Variants in ADAMTSL1 observed in about 807,000 individuals in gnomAD.
ADAMTSL1 encodes the protein ADAMTS like 1, also known as ADAMTS-like protein 1.
ADAMTSL1 carries 126 observed loss-of-function variants against 201.8 expected under a neutral mutation model. The ratio of observed to expected loss-of-function variants is 0.62; its 90% confidence interval spans 0.54 to 0.72. The LOEUF (loss-of-function observed/expected upper bound fraction) is 0.72. Ranked by LOEUF, ADAMTSL1 falls within the 30% of genes least tolerant of loss-of-function variation. ADAMTSL1 has a pLI of 0.00. For synonymous variants in ADAMTSL1, 1,121 were observed against 903.4 expected, an observed-to-expected ratio of 1.24 and a Z score of -4.32; for missense variants, 2,679 against 2,277.8, an observed-to-expected ratio of 1.18 and a Z score of -3.59.
intron 1 of ADAMTSL1, among the ~76,000 whole-genome samples, chr9:18,074,503 TTTCTTTTC>T (rs766914599): frequency 0.065 from 4,997 of 77,110 alleles, 176 homozygotes; most frequent in African/African-American, 0.16. Flanking sequence ...TTTCTTTTCT[TTTCTTTTC>T]TTCTTTTCTT....
chr9:18,141,511 C>T (rs145999965), intron 1 of ADAMTSL1, among the ~76,000 whole-genome samples: 71 of 152,212 alleles, frequency 4.7e-4, no homozygotes, highest in Non-Finnish European at 8.4e-4. Flanking sequence ...GAAATGAGAG[C>T]CCCCTCACTC....
Position 18,024,091 on chromosome 9 carries a change from T to A in ADAMTSL1, c.87+117169T>A, listed in dbSNP as rs574507830. Among the ~76,000 whole-genome samples the A allele has an allele frequency of 3.3e-5, 5 of 152,228 alleles. No homozygotes were observed. In the East Asian group the frequency reaches 9.7e-4, roughly 29 times the overall value. On this transcript the variant is annotated intron_variant, in intron 1 of 29. Transcript: ENST00000680146. The stretch of plus-strand genomic sequence containing the variant: ...TGTATCTGGTTACATCATGAATTGA[T>A]CAGATATTTTAAAATATAGTCTACT...
rs202207402 is a variant in ADAMTSL1 at position 18,890,948 on chromosome 9, G to A, written c.4643+1200G>A. 7.2e-3 allele frequency among the ~76,000 whole-genome samples: 950 copies of A among 131,976 alleles called. 10 individuals are homozygous for A. Among genetic ancestry groups the A allele is most frequent in the African/African-American group, 0.027 (909 of 33,900 alleles). The allele number at this position is 131,976 out of a possible 152,430, so 86.6% of individuals were successfully genotyped here. ...ATTTACTTCTGCAAATGAAATAATGGCTCTGTTTTCTTGGATTTCAATGCC... is the reference window on the plus strand; with the variant it reads ...ATTTACTTCTGCAAATGAAATAATGACTCTGTTTTCTTGGATTTCAATGCC... On this transcript the variant is annotated intron_variant, in intron 25 of 28. Coordinates refer to ENST00000380548, the MANE Select transcript of ADAMTSL1 (RefSeq NM_001040272.6).
intron 2 of ADAMTSL1, among the ~76,000 whole-genome samples, chr9:18,193,809 TGAC>T (rs1829068021): frequency 6.7e-6 from 1 of 148,458 alleles, no homozygotes; most frequent in African/African-American, 2.6e-5. Flanking sequence ...GGGCAAAGAC[TGAC>T]TGCCCTTTTC....
intron 19 of ADAMTSL1, among the ~76,000 whole-genome samples, chr9:18,785,737 A>C (rs1279844076): frequency 6.6e-6 from 1 of 152,246 alleles, no homozygotes; most frequent in African/African-American, 2.4e-5. Context: ...ATCTAATACC[A>C]GGAGGCTTAC....
chr9:18,327,810 G>A (rs1834886212), intron 2 of ADAMTSL1, among the ~76,000 whole-genome samples: 1 of 152,184 alleles, frequency 6.6e-6, no homozygotes, highest in African/African-American at 2.4e-5. Flanking sequence ...ATTAGGAAAA[G>A]AAATGTTAGG....
At chr9:18,904,649 A>C (rs1479879118) in intron 26 of ADAMTSL1, among the ~76,000 whole-genome samples, 2 of 143,042 alleles carry the variant, frequency 1.4e-5, no homozygotes, top group African/African-American at 5.1e-5. Context: ...AAAAAAAAAA[A>C]AAAAAAAAAA....
At chr9:18,161,151 G>A (rs1021349483) in intron 1 of ADAMTSL1, among the ~76,000 whole-genome samples, 1 of 151,864 alleles carries the variant, frequency 6.6e-6, no homozygotes, top group Non-Finnish European at 1.5e-5. Context: ...CAAATACACA[G>A]CTATAATTAA....
At chr9:18,827,959 CATTT>C (rs568632144) in intron 22 of ADAMTSL1, among the ~76,000 whole-genome samples, 302 of 152,308 alleles carry the variant, frequency 2.0e-3, no homozygotes, top group African/African-American at 7.0e-3. Flanking sequence ...AGCAATGTCT[CATTT>C]AATCTGCAAA....
rs147456547 is a variant in ADAMTSL1 at position 18,162,794 on chromosome 9, C to T, written c.88-1068C>T. 1.9e-3 allele frequency among the ~76,000 whole-genome samples: 294 copies of T among 151,664 alleles called. 1 individual carries two copies. Among genetic ancestry groups the T allele is most frequent in the African/African-American group, 6.5e-3 (269 of 41,402 alleles). On this transcript the variant is annotated intron_variant, in intron 1 of 29. Transcript: ENST00000680146. ...GAGTTAAAAAGACAATGTGATATAC[C>T]GTGTTCATTATAAATATTATAAATA...
intron 1 of ADAMTSL1, among the ~76,000 whole-genome samples, chr9:18,129,137 A>G (rs868254217): frequency 5.9e-5 from 9 of 152,188 alleles, no homozygotes; most frequent in African/African-American, 2.2e-4. Context: ...TCAGCCTAGC[A>G]TAATATTATG....
chr9:18,061,292 A>T (rs1165241296), intron 1 of ADAMTSL1, among the ~76,000 whole-genome samples: 1 of 152,180 alleles, frequency 6.6e-6, no homozygotes, highest in Non-Finnish European at 1.5e-5. Context: ...CTGATGGTTA[A>T]GGTCGAGTAG....
chr9:18,777,803 G>C lies in ADAMTSL1; in HGVS notation c.3574G>C (p.Ala1192Pro). The C allele has an allele frequency of 2.5e-6, 4 of 1,613,772 alleles. No homozygotes were observed. The highest frequency in any genetic ancestry group is 3.4e-6 in the Non-Finnish European group (4 of 1,179,822). Residue 1192 changes from alanine to proline, a missense_variant, in exon 19 of 29, where the codon GCC becomes CCC. Coordinates refer to ENST00000380548, the MANE Select transcript of ADAMTSL1 (RefSeq NM_001040272.6). ...CCACCTGGGGCAGACGGTGGCCCTG[G>C]CCAGCGGGACACTGAGTGTTCTTCT... ...VTHLGQTVALASGTLSVLLHC... is the reference protein window; with the variant it reads ...VTHLGQTVALPSGTLSVLLHC...
chr9:18,699,419 G>A (rs1831792451), intron 13 of ADAMTSL1, among the ~76,000 whole-genome samples: 2 of 151,212 alleles, frequency 1.3e-5, no homozygotes, highest in African/African-American at 4.9e-5. Flanking sequence ...TGAACTCCTG[G>A]GTGCAAGAGA....
upstream of ADAMTSL1, among the ~76,000 whole-genome samples, chr9:18,472,711 T>C (rs1184891384): frequency 6.6e-6 from 1 of 152,200 alleles, no homozygotes; most frequent in Non-Finnish European, 1.5e-5. Flanking sequence ...TCATACCTCT[T>C]GTCAGTATTT....
chr9:18,654,073 C>A (rs566529548), intron 7 of ADAMTSL1, among the ~76,000 whole-genome samples: 1 of 152,290 alleles, frequency 6.6e-6, no homozygotes, highest in East Asian at 1.9e-4. Flanking sequence ...ACTAAAAATA[C>A]AAAAAATTAG....
chr9:18,526,513 G>A (rs529071339), intron 2 of ADAMTSL1, among the ~76,000 whole-genome samples: 7 of 152,282 alleles, frequency 4.6e-5, no homozygotes, highest in Non-Finnish European at 8.8e-5. Context: ...CTCATTAGTT[G>A]ACGCAGTTTC....
chr9:18,236,742 G>T (rs1224175997), intron 2 of ADAMTSL1, among the ~76,000 whole-genome samples: 1 of 152,178 alleles, frequency 6.6e-6, no homozygotes, highest in Non-Finnish European at 1.5e-5. Context: ...TTTCAGCGAA[G>T]AAAAATACAC....
intron 1 of ADAMTSL1, among the ~76,000 whole-genome samples, chr9:17,976,191 T>C (rs1818439424): frequency 6.6e-6 from 1 of 151,824 alleles, no homozygotes. Flanking sequence ...TCAAGATCGC[T>C]TTAGCTATTT....
Sources: gnomAD v4.1 joint callset for allele counts (sites outside exome capture counted in the v4.1 genomes callset) on GRCh38, gnomAD v4.1.1 for gene constraint, MANE v1.5 for transcripts, NCBI Gene and HGNC (gene_info 2026-07-23, HGNC 2026-07-21) for gene names.